SLC47A2: variants seen among roughly 807,000 people sequenced by gnomAD.
SLC47A2 encodes the protein solute carrier family 47 member 2.
A neutral mutation model predicts 67.7 loss-of-function variants in SLC47A2; 52 were observed. The observed-to-expected ratio is 0.77, with a 90% CI of 0.61 to 0.97. The LOEUF (loss-of-function observed/expected upper bound fraction) is 0.97. SLC47A2 is among the 50% of genes least tolerant of loss of function. SLC47A2 has a pLI of 0.00. For missense variants in SLC47A2, 676 were observed against 712.3 expected, an observed-to-expected ratio of 0.95 and a Z score of 0.58; for synonymous variants, 278 against 292.9, an observed-to-expected ratio of 0.95 and a Z score of 0.52.
At chr17:19,681,510 C>A in intron 14 of SLC47A2, 28 bp downstream of exon 14, 2 of 1,614,172 alleles carry the variant, frequency 1.2e-6, no homozygotes, top group Non-Finnish European at 1.7e-6. Flanking sequence ...ACCACCCAGG[C>A]CTCTCCCGAC....
chr17:19,714,699 C>T (rs142741029), intron 3 of SLC47A2, 22 bp downstream of exon 3: 22,270 of 1,613,620 alleles, frequency 0.014, 190 homozygotes, highest in Non-Finnish European at 0.017. Flanking sequence ...GGCTTCCTGC[C>T]CAGCTCCAGG....
In SLC47A2 at chr17:19,708,883, T is replaced by C. The variant is rs1030290997; in HGVS notation, c.487-123A>G. 85 of 1,251,830 alleles carry C rather than the reference T, an allele frequency of 6.8e-5. No homozygotes were observed. In the Middle Eastern group the frequency reaches 1.3e-3, roughly 20 times the overall value. The allele number at this position is 1,251,830 out of a possible 1,614,324, so 77.5% of individuals were successfully genotyped here. ...TTGGGGAAATTACTTCATCAAAGTA[T>C]GTCTGGGACCTCTCAGGTGCGGCCA... On this transcript the variant is annotated intron_variant, in intron 5 of 16. Transcript: ENST00000433844.
intron 5 of SLC47A2, among the ~76,000 whole-genome samples, chr17:19,708,965 T>G (rs2086023394): frequency 1.3e-5 from 2 of 152,216 alleles, no homozygotes; most frequent in African/African-American, 4.8e-5. Context: ...AGAGGCCCCC[T>G]CAGGGCTCCC....
At chr17:19,688,499 G>A (rs1567618215) in intron 13 of SLC47A2, among the ~76,000 whole-genome samples, 1 of 152,194 alleles carries the variant, frequency 6.6e-6, no homozygotes, top group Non-Finnish European at 1.5e-5. Context: ...AGTACTGGAA[G>A]TCCTAGCTAG....
intron 4 of SLC47A2, among the ~76,000 whole-genome samples, chr17:19,713,271 C>G (rs1416876968): frequency 6.6e-6 from 1 of 151,972 alleles, no homozygotes; most frequent in Non-Finnish European, 1.5e-5. Flanking sequence ...GCCTGTAGTC[C>G]CAGCTACTCA....
intron 11 of SLC47A2, 83 bp from the exon 12 acceptor site, chr17:19,703,250 T>A: frequency 7.5e-7 from 1 of 1,330,410 alleles, no homozygotes; most frequent in Non-Finnish European, 1.1e-6. Context: ...CTGGCCCCTA[T>A]GTCAGTGCAA....
intron 5 of SLC47A2, 102 bp downstream of exon 5, chr17:19,712,601 G>GGGA: frequency 7.8e-7 from 1 of 1,283,810 alleles, no homozygotes. Context: ...CCAGCAGGAA[G>GGGA]TCACAGCAGG....
intron 8 of SLC47A2, among the ~76,000 whole-genome samples, chr17:19,707,054 G>A (rs930434634): frequency 2.0e-5 from 3 of 152,040 alleles, no homozygotes; most frequent in African/African-American, 7.2e-5. Context: ...CCACTCTGCA[G>A]GCTCCATTTC....
At chr17:19,709,051 A>T (rs2086026930) in intron 5 of SLC47A2, among the ~76,000 whole-genome samples, 1 of 152,254 alleles carries the variant, frequency 6.6e-6, no homozygotes. Flanking sequence ...CATAGTGCAC[A>T]GTGCCTGGTA....
chr17:19,704,821 GCTT>G, intron 10 of SLC47A2: 1 of 418,620 alleles, frequency 2.4e-6, no homozygotes, highest in South Asian at 6.2e-5. Context: ...GATGGAATGT[GCTT>G]TTTTTTTTTT....
At chr17:19,680,095 C>A in intron 15 of SLC47A2, 56 bp from the exon 16 acceptor site, 1 of 1,530,698 alleles carries the variant, frequency 6.5e-7, no homozygotes, top group Non-Finnish European at 9.0e-7. Context: ...TTCACCCCTT[C>A]ACTGCTAGCC....
chr17:19,712,766 C>A (rs1303868019), intron 4 of SLC47A2, 21 bp from the exon 5 acceptor site: 2 of 1,610,682 alleles, frequency 1.2e-6, no homozygotes, highest in Non-Finnish European at 1.7e-6. Flanking sequence ...GGGAGAAGCT[C>A]CGGAGCTGAC....
At chr17:19,705,163 G>T in intron 10 of SLC47A2, 1 of 472,592 alleles carries the variant, frequency 2.1e-6, no homozygotes, top group Non-Finnish European at 3.7e-6. Flanking sequence ...ATAAGATTGT[G>T]ATGTGAAATC....
At chr17:19,707,961 C>T in intron 7 of SLC47A2, 118 bp from the exon 8 acceptor site, 1 of 987,132 alleles carries the variant, frequency 1.0e-6, no homozygotes, top group Non-Finnish European at 1.5e-6. Flanking sequence ...TCTGCTCTTC[C>T]CCCATCCTGG....
chr17:19,703,109 A>G lies in SLC47A2; in HGVS notation c.1077T>C (p.His359=). 1 of 1,614,152 alleles carries G rather than the reference A, an allele frequency of 6.2e-7. No individual in the cohort carries two copies. Among genetic ancestry groups the G allele is most frequent in the South Asian group, 1.1e-5 (1 of 91,086 alleles). ...LISILKNQLG[H]IFTNDEDVIA... ...TTACCTACTCATCATTGGTAAAAATATGCCCCAGCTGATTTTTCAGGATGC... is the reference window on the plus strand; with the variant it reads ...TTACCTACTCATCATTGGTAAAAATGTGCCCCAGCTGATTTTTCAGGATGC... The change falls in exon 12 of 17, where the codon CAT becomes CAC. Residue 359 remains histidine (H), a synonymous_variant. Coordinates refer to ENST00000433844, the MANE Select transcript of SLC47A2 (RefSeq NM_001099646.3).
intron 10 of SLC47A2, among the ~76,000 whole-genome samples, chr17:19,704,432 G>T (rs559928057): frequency 2.6e-5 from 4 of 152,364 alleles, no homozygotes; most frequent in South Asian, 2.1e-4. Flanking sequence ...ACAGGCAGGC[G>T]GGCCTTGCAA....
chr17:19,695,034 T>C (rs936417490), intron 13 of SLC47A2, among the ~76,000 whole-genome samples: 1 of 151,478 alleles, frequency 6.6e-6, no homozygotes, highest in Non-Finnish European at 1.5e-5. Context: ...TTCTTATATA[T>C]AAAATAGCAA....
At chr17:19,702,201 T>C in intron 13 of SLC47A2, 1 of 985,324 alleles carries the variant, frequency 1.0e-6, no homozygotes, top group Non-Finnish European at 1.2e-6. Context: ...TCCTTCTGTG[T>C]TCTGGGTGGG....
chr17:19,715,697 G>GTTTTGTTTTTTTTTT (rs2086236676), intron 1 of SLC47A2: 3 of 99,470 alleles, frequency 3.0e-5, no homozygotes, highest in African/African-American at 3.9e-5. Flanking sequence ...TTTTGGTTTT[G>GTTTTGTTTTTTTTTT]TTTTTTTTGT....
Sources: gnomAD v4.1 joint callset for allele counts (sites outside exome capture counted in the v4.1 genomes callset) on GRCh38, gnomAD v4.1.1 for gene constraint, MANE v1.5 for transcripts, NCBI Gene and HGNC (gene_info 2026-07-23, HGNC 2026-07-21) for gene names.